The following EEF2K variants were observed in gnomAD, a reference collection of about 807,000 sequenced individuals.
EEF2K encodes the protein eukaryotic elongation factor 2 kinase.
EEF2K carries 70 observed loss-of-function variants against 93.8 expected under a neutral mutation model. The ratio of observed to expected loss-of-function variants is 0.75; its 90% CI spans 0.62 to 0.91. The LOEUF (loss-of-function observed/expected upper bound fraction) is 0.91, where lower values mean the gene tolerates loss of function less well. EEF2K is among the 40% of genes least tolerant of loss of function. The pLI, the probability that EEF2K is intolerant of heterozygous loss-of-function variation, is 0.00. For synonymous variants in EEF2K, 376 were observed against 380.8 expected (o/e 0.99, Z 0.15); for missense variants, 935 against 972.9 (o/e 0.96, Z 0.52).
intron 4 of EEF2K, among the ~76,000 whole-genome samples, chr16:22,249,399 T>C (rs996701278): frequency 2.0e-5 from 3 of 152,038 alleles, no homozygotes; most frequent in Admixed American, 6.6e-5. Context: ...ATATACAATA[T>C]ACACAGAAAA....
At chr16:22,275,946 T>A (rs4783454) in intron 16 of EEF2K, among the ~76,000 whole-genome samples, 101 of 151,380 alleles carry the variant, frequency 6.7e-4, no homozygotes, top group African/African-American at 2.3e-3. Context: ...CTGGCCTATT[T>A]TTTATCTATT....
In EEF2K at chr16:22,275,703, C is replaced by T. The variant is rs556857376; in HGVS notation, c.1889+1953C>T. Among the ~76,000 whole-genome samples, 103 of 148,368 alleles carry T rather than the reference C, an allele frequency of 6.9e-4. 1 individual carries two copies. The South Asian group carries it at 0.02, about 28-fold the overall frequency. Reference sequence around the variant, plus strand: ...TATCCCAGGCTGGAGTGCAATGGCGCGATCTCGGCTCACTGCAATCTCCAC... The same window carrying T: ...TATCCCAGGCTGGAGTGCAATGGCGTGATCTCGGCTCACTGCAATCTCCAC... On this transcript the variant is annotated intron_variant, in intron 16 of 17. Transcript: ENST00000263026.
chr16:22,275,169 G>T (rs766464768), intron 16 of EEF2K, among the ~76,000 whole-genome samples: 44 of 152,226 alleles, frequency 2.9e-4, no homozygotes, highest in Non-Finnish European at 5.4e-4. Flanking sequence ...CTGGAGCTGG[G>T]CACTGAGTAT....
In EEF2K at chr16:22,251,182, C is replaced by T; in HGVS notation, c.478C>T (p.Gln160Ter). The change falls in exon 6 of 18, where the codon CAG (glutamine) becomes TAG (stop). Residue 160 changes from glutamine (Q) to a stop codon, truncating the protein, a stop_gained. Coordinates refer to ENST00000263026, the MANE Select transcript of EEF2K (RefSeq NM_013302.5). LOFTEE classifies it high-confidence loss of function. ...GCTCTCCAACTTCTTGCATGCCCAG[C>T]AGTGGAAGGGCGCCTCCAACTACGT... The part of the protein sequence containing the change: ...KKLSNFLHAQ[Q>*]WKGASNYVAK... The T allele has an allele frequency of 6.2e-7, 1 of 1,614,090 alleles. No individual in the cohort carries two copies. The highest frequency in any genetic ancestry group is 8.5e-7 in the Non-Finnish European group (1 of 1,179,978).
intron 16 of EEF2K, among the ~76,000 whole-genome samples, chr16:22,274,519 T>C (rs926163472): frequency 1.3e-5 from 2 of 151,832 alleles, no homozygotes; most frequent in African/African-American, 4.8e-5. Context: ...ATGATTTGCC[T>C]GAGAAAAAAA....
chr16:22,257,117 G>T (rs1174083726), intron 7 of EEF2K, 136 bp from the exon 8 acceptor site: 1 of 1,476,688 alleles, frequency 6.8e-7, no homozygotes, highest in African/African-American at 1.4e-5. Context: ...CAACTGAAGA[G>T]GCCTTTTTCC....
At chr16:22,216,520 C>G (rs2046958997) in intron 1 of EEF2K, among the ~76,000 whole-genome samples, 2 of 152,218 alleles carry the variant, frequency 1.3e-5, no homozygotes, top group South Asian at 4.1e-4. Context: ...ACTCTCCCTT[C>G]TCTGAATTCG....
intron 1 of EEF2K, among the ~76,000 whole-genome samples, chr16:22,223,073 G>C (rs2047029843): frequency 6.6e-6 from 1 of 151,904 alleles, no homozygotes; most frequent in South Asian, 2.1e-4. Context: ...TATTGCTGTT[G>C]CTTTGCCTTC....
Position 22,244,723 on chromosome 16 carries a change from C to G in EEF2K, c.340C>G (p.Arg114Gly). The G allele has an allele frequency of 1.9e-6, 3 of 1,613,824 alleles. No individual in the cohort carries two copies. The highest frequency in any genetic ancestry group is 2.5e-6 in the Non-Finnish European group (3 of 1,179,866). The change falls in exon 3 of 18, where the codon CGA becomes GGA. Residue 114 changes from arginine (R) to glycine (G), a missense_variant. Physicochemically the swap from Arg to Gly is moderately radical, Grantham distance 125 (BLOSUM62 -2). Coordinates refer to ENST00000263026, the MANE Select transcript of EEF2K (RefSeq NM_013302.5). Reference protein sequence around the residue: ...LEDIATERATRHRYNAVTGEW... With the variant: ...LEDIATERATGHRYNAVTGEW... ...AGATATTGCCACCGAACGTGCTACTCGACACAGGTCAGCAGCTTGTGTGGG... is the reference window on the plus strand; with the variant it reads ...AGATATTGCCACCGAACGTGCTACTGGACACAGGTCAGCAGCTTGTGTGGG...
At chr16:22,206,856 G>A (rs951722325) in intron 1 of EEF2K, among the ~76,000 whole-genome samples, 177 bp downstream of exon 1, 3 of 152,192 alleles carry the variant, frequency 2.0e-5, no homozygotes, top group Non-Finnish European at 4.4e-5. Context: ...AAACTCTCTG[G>A]GGCTAAGTGC....
At chr16:22,246,515 TAAAAAAAAA>T (rs746408835) in intron 3 of EEF2K, among the ~76,000 whole-genome samples, 7 of 70,506 alleles carry the variant, frequency 9.9e-5, no homozygotes, top group South Asian at 4.6e-4. Context: ...GACTCAGTCT[TAAAAAAAAA>T]AAAAAAAAAA....
At chr16:22,264,797 G>T in intron 12 of EEF2K, 21 bp from the exon 13 acceptor site, 1 of 1,613,584 alleles carries the variant, frequency 6.2e-7, no homozygotes, top group East Asian at 2.2e-5. Flanking sequence ...TTGGATCAGT[G>T]TAATTTCTTC....
chr16:22,268,254 A>C lies in EEF2K; in HGVS notation c.1764+1378A>C, dbSNP rs559975130. 7.8e-4 allele frequency among the ~76,000 whole-genome samples: 119 copies of C among 151,938 alleles called. 2 individuals carry two copies. Among genetic ancestry groups the C allele is most frequent in the African/African-American group, 2.8e-3 (114 of 41,436 alleles). ...AGTGTAGTGGTGCGATCTCGGCTCAATGCAACCTCCACTTCCCAGGTTCAA... is the reference window on the plus strand; with the variant it reads ...AGTGTAGTGGTGCGATCTCGGCTCACTGCAACCTCCACTTCCCAGGTTCAA... On this transcript the variant is annotated intron_variant, in intron 15 of 17. Transcript: ENST00000263026.
chr16:22,257,441 C>A (rs1490732670), intron 8 of EEF2K, 56 bp downstream of exon 8: 2 of 1,596,676 alleles, frequency 1.3e-6, no homozygotes, highest in African/African-American at 2.7e-5. Flanking sequence ...GCTAAAACCT[C>A]TGAGTTCTTC....
At chr16:22,276,240 C>G (rs925155955) in intron 16 of EEF2K, among the ~76,000 whole-genome samples, 30 of 152,134 alleles carry the variant, frequency 2.0e-4, no homozygotes, top group African/African-American at 7.2e-4. Context: ...GCCGCTGTAC[C>G]TGGCCACATT....
chr16:22,275,809 T>G (rs576028423), intron 16 of EEF2K, among the ~76,000 whole-genome samples: 18 of 151,760 alleles, frequency 1.2e-4, no homozygotes, highest in Non-Finnish European at 2.2e-4. Context: ...CCCAGCTAAA[T>G]TTTGTATTTT....
At chr16:22,207,825 T>G (rs915909734) in intron 1 of EEF2K, among the ~76,000 whole-genome samples, 2 of 151,996 alleles carry the variant, frequency 1.3e-5, no homozygotes, top group Non-Finnish European at 2.9e-5. Flanking sequence ...AGCAAGCAGG[T>G]GGGAGCTGAG....
chr16:22,281,787 G>A (rs2047695934), intron 17 of EEF2K, among the ~76,000 whole-genome samples: 1 of 152,130 alleles, frequency 6.6e-6, no homozygotes, highest in South Asian at 2.1e-4. Flanking sequence ...ATTCATCTGT[G>A]TTGAAGTGTG....
At chr16:22,236,583 G>T (rs2047170094) in intron 2 of EEF2K, among the ~76,000 whole-genome samples, 1 of 151,736 alleles carries the variant, frequency 6.6e-6, no homozygotes, top group South Asian at 2.1e-4. Flanking sequence ...TAAAGGCTTG[G>T]GTGAGTCACT....
Sources: gnomAD v4.1 joint callset for allele counts (sites outside exome capture counted in the v4.1 genomes callset) on GRCh38, gnomAD v4.1.1 for gene constraint, MANE v1.5 for transcripts, NCBI Gene and HGNC (gene_info 2026-07-23, HGNC 2026-07-21) for gene names.